Variants in BRINP3 observed in about 807,000 individuals in gnomAD.
BRINP3 encodes the protein BMP/retinoic acid-inducible neural-specific protein 3.
BRINP3 carries 19 observed loss-of-function variants against 71.0 expected under a neutral mutation model. The ratio of observed to expected loss-of-function variants is 0.27; its 90% CI spans 0.19 to 0.39. The LOEUF is 0.39. Ranked by LOEUF, BRINP3 falls within the 10% of genes least tolerant of loss-of-function variation. The pLI, the probability that BRINP3 is intolerant of heterozygous loss-of-function variation, is 1.00. For missense variants in BRINP3, 959 were observed against 940.8 expected, an observed-to-expected ratio of 1.02 and a Z score of -0.25; for synonymous variants, 380 against 337.7, an observed-to-expected ratio of 1.13 and a Z score of -1.37.
intron 1 of BRINP3, among the ~76,000 whole-genome samples, chr1:190,457,274 T>C (rs569524905): frequency 6.6e-6 from 1 of 152,188 alleles, no homozygotes; most frequent in East Asian, 1.9e-4. Flanking sequence ...AAACCCTTTC[T>C]CTACTAAAAA....
At chr1:190,167,452 T>G (rs972984145) in intron 6 of BRINP3, among the ~76,000 whole-genome samples, 20 of 152,068 alleles carry the variant, frequency 1.3e-4, no homozygotes, top group African/African-American at 4.6e-4. Context: ...CATGAAAAAT[T>G]CAAAGACTGT....
At chr1:190,315,070 G>C (rs1412149676) in intron 2 of BRINP3, among the ~76,000 whole-genome samples, 1 of 152,082 alleles carries the variant, frequency 6.6e-6, no homozygotes, top group African/African-American at 2.4e-5. Context: ...ATTGAAGGGA[G>C]AGGGTAAACA....
At chr1:190,424,724 C>A (rs918581262) in intron 2 of BRINP3, among the ~76,000 whole-genome samples, 4 of 151,568 alleles carry the variant, frequency 2.6e-5, no homozygotes, top group Admixed American at 1.3e-4. Context: ...AAGATTAGAT[C>A]ATATAAAAAC....
intron 2 of BRINP3, among the ~76,000 whole-genome samples, chr1:190,379,807 G>A (rs542364170): frequency 6.6e-6 from 1 of 151,982 alleles, no homozygotes; most frequent in South Asian, 2.1e-4. Flanking sequence ...AGACCAGCCT[G>A]GCCAACATGG....
intron 2 of BRINP3, among the ~76,000 whole-genome samples, chr1:190,352,015 G>A (rs1285381877): frequency 1.3e-5 from 2 of 151,740 alleles, no homozygotes; most frequent in African/African-American, 2.4e-5. Flanking sequence ...AATGCCAGAC[G>A]TAAATCTTTA....
chr1:190,288,249 G>A lies in BRINP3; in HGVS notation c.237-6499C>T, dbSNP rs1663586491. Among the ~76,000 whole-genome samples, 4 of 151,752 alleles carry A rather than the reference G, an allele frequency of 2.6e-5. No homozygotes were observed. In the East Asian group the frequency reaches 7.7e-4, roughly 29 times the overall value. On this transcript the variant is annotated intron_variant, in intron 2 of 7. Transcript: ENST00000367462. ...GGTAACTATTGATAAGTGTAGACAA[G>A]TCAAGAGGCATAGACATATCTGAGC...
chr1:190,449,381 A>G (rs570997111), intron 2 of BRINP3, among the ~76,000 whole-genome samples: 3 of 152,002 alleles, frequency 2.0e-5, no homozygotes, highest in Non-Finnish European at 2.9e-5. Context: ...GTATGTGTAT[A>G]TCAGGGAAAG....
intron 6 of BRINP3, among the ~76,000 whole-genome samples, chr1:190,174,520 T>G (rs745716268): frequency 6.6e-6 from 1 of 152,150 alleles, no homozygotes; most frequent in Non-Finnish European, 1.5e-5. Context: ...CCTGTCTATA[T>G]GTATAAACGG....
intron 2 of BRINP3, among the ~76,000 whole-genome samples, chr1:190,412,196 T>C (rs1022212876): frequency 6.6e-6 from 1 of 151,784 alleles, no homozygotes; most frequent in South Asian, 2.1e-4. Flanking sequence ...TTAATAAGTA[T>C]TGGGGAAGGG....
At chr1:190,174,064 T>C (rs950764882) in intron 6 of BRINP3, among the ~76,000 whole-genome samples, 1 of 152,192 alleles carries the variant, frequency 6.6e-6, no homozygotes, top group Non-Finnish European at 1.5e-5. Flanking sequence ...AGCAGATTTC[T>C]CCTGATACAC....
At chr1:190,312,070 T>TATATATAC (rs1665570456) in intron 2 of BRINP3, among the ~76,000 whole-genome samples, 1 of 141,818 alleles carries the variant, frequency 7.1e-6, no homozygotes, top group South Asian at 2.2e-4. Flanking sequence ...TATATATATA[T>TATATATAC]ATATATGTAT....
chr1:190,298,935 G>A (rs942944752), intron 2 of BRINP3, among the ~76,000 whole-genome samples: 1 of 152,076 alleles, frequency 6.6e-6, no homozygotes, highest in Non-Finnish European at 1.5e-5. Context: ...AATTATTTTA[G>A]TTCTTCCTTC....
intron 2 of BRINP3, among the ~76,000 whole-genome samples, chr1:190,311,158 C>T (rs1035927029): frequency 6.6e-6 from 1 of 151,574 alleles, no homozygotes; most frequent in African/African-American, 2.4e-5. Context: ...GCACAAGGTC[C>T]CATGTGCTTT....
At chr1:190,408,918 T>C (rs1672478349) in intron 2 of BRINP3, among the ~76,000 whole-genome samples, 1 of 152,204 alleles carries the variant, frequency 6.6e-6, no homozygotes, top group African/African-American at 2.4e-5. Flanking sequence ...TATGAGGATC[T>C]CATCTCCAAG....
At chr1:190,104,399 G>A (rs1035689708) in intron 7 of BRINP3, among the ~76,000 whole-genome samples, 13 of 152,004 alleles carry the variant, frequency 8.6e-5, no homozygotes, top group African/African-American at 3.1e-4. Context: ...CCTGTGCACA[G>A]AATAAACAGG....
chr1:190,252,405 GT>G (rs1660230805), intron 4 of BRINP3, among the ~76,000 whole-genome samples: 1 of 152,042 alleles, frequency 6.6e-6, no homozygotes, highest in Non-Finnish European at 1.5e-5. Context: ...AGAGTACTGA[GT>G]TTTCTTTCTG....
chr1:190,451,968 T>C (rs1675636793), intron 2 of BRINP3, among the ~76,000 whole-genome samples: 1 of 152,208 alleles, frequency 6.6e-6, no homozygotes, highest in South Asian at 2.1e-4. Flanking sequence ...TCAGAAACAA[T>C]GTCAATGCAA....
At chr1:190,423,667 C>A (rs1673522157) in intron 2 of BRINP3, among the ~76,000 whole-genome samples, 1 of 151,740 alleles carries the variant, frequency 6.6e-6, no homozygotes, top group Non-Finnish European at 1.5e-5. Context: ...AAAGAATGAA[C>A]TATTTATTCA....
At chr1:190,396,712 TG>T (rs1671591206) in intron 2 of BRINP3, among the ~76,000 whole-genome samples, 3 of 38,314 alleles carry the variant, frequency 7.8e-5, no homozygotes, top group African/African-American at 2.9e-4. Context: ...CCTAATTTAA[TG>T]ATATATATAT....
Sources: allele counts gnomAD v4.1 joint callset (sites outside exome capture counted in the v4.1 genomes callset), GRCh38; gene constraint gnomAD v4.1.1; transcripts MANE v1.5; gene names NCBI Gene and HGNC (gene_info 2026-07-23, HGNC 2026-07-21).